The following PPP6R3 variants were observed in gnomAD, a reference collection of about 807,000 sequenced individuals.
PPP6R3 encodes protein phosphatase 6 regulatory subunit 3, also known as serine/threonine-protein phosphatase 6 regulatory subunit 3.
A neutral mutation model predicts 110.7 loss-of-function variants in PPP6R3; 38 were observed. That is an observed-to-expected ratio of 0.34 (90% CI 0.26 to 0.45). The LOEUF (loss-of-function observed/expected upper bound fraction) is 0.45. PPP6R3 is among the 20% of genes least tolerant of loss of function. PPP6R3 has a pLI of 1.00. For missense variants in PPP6R3, 870 were observed against 1,062.4 expected (o/e 0.82, Z 2.52); for synonymous variants, 369 against 373.5 (o/e 0.99, Z 0.14).
chr11:68,572,543 G>C (rs934860751), intron 12 of PPP6R3, among the ~76,000 whole-genome samples: 3 of 152,096 alleles, frequency 2.0e-5, no homozygotes, highest in Non-Finnish European at 4.4e-5. Flanking sequence ...AAGAGACTCT[G>C]AGCAACTCAG....
At chr11:68,565,989 G>GC (rs1035032582) in intron 9 of PPP6R3, among the ~76,000 whole-genome samples, 13 of 152,268 alleles carry the variant, frequency 8.5e-5, no homozygotes, top group African/African-American at 2.4e-4. Flanking sequence ...AGGGCAGCCT[G>GC]CCCTAGGCTG....
intron 22 of PPP6R3, among the ~76,000 whole-genome samples, chr11:68,604,861 A>G (rs1229166154): frequency 1.3e-5 from 2 of 152,224 alleles, no homozygotes; most frequent in Non-Finnish European, 2.9e-5. Context: ...CAATGTGAAG[A>G]TATTTTTAGC....
chr11:68,548,533 G>T (rs2099358178), intron 5 of PPP6R3, among the ~76,000 whole-genome samples: 1 of 152,136 alleles, frequency 6.6e-6, no homozygotes, highest in South Asian at 2.1e-4. Flanking sequence ...GATGGTAAAA[G>T]CAGAAATGAG....
chr11:68,598,816 A>C lies in PPP6R3; in HGVS notation c.2039-1525A>C, dbSNP rs111528412. ...AGCTTTGCATAGAGTGGGCAGGCAA[A>C]AATAACTGTCAAGTTGACTTTTTGG... On this transcript the variant is annotated intron_variant, in intron 19 of 23. Transcript: ENST00000393800. Among the ~76,000 whole-genome samples the C allele has an allele frequency of 8.5e-5, 13 of 152,336 alleles. 2 individuals are homozygous for C. Among genetic ancestry groups the C allele is most frequent in the African/African-American group, 3.1e-4 (13 of 41,570 alleles).
At chr11:68,476,367 G>T (rs895668516) in intron 1 of PPP6R3, among the ~76,000 whole-genome samples, 3 of 151,256 alleles carry the variant, frequency 2.0e-5, no homozygotes, top group African/African-American at 2.4e-5. Context: ...GCAGGCTGAG[G>T]CAGGAGAATC....
intron 18 of PPP6R3, among the ~76,000 whole-genome samples, chr11:68,592,173 C>T (rs546225161): frequency 1.1e-4 from 17 of 151,528 alleles, no homozygotes; most frequent in African/African-American, 2.9e-4. Flanking sequence ...TTAAATCATC[C>T]GTATCACAGG....
intron 1 of PPP6R3, among the ~76,000 whole-genome samples, chr11:68,515,580 CTGCACA>C (rs1312703233): frequency 6.6e-6 from 1 of 152,238 alleles, no homozygotes; most frequent in African/African-American, 2.4e-5. Flanking sequence ...TTAGAATCCA[CTGCACA>C]TGAGCATTCA....
At chr11:68,537,596 G>A in intron 2 of PPP6R3, 63 bp from the exon 3 acceptor site, 1 of 1,131,484 alleles carries the variant, frequency 8.8e-7, no homozygotes, top group Non-Finnish European at 1.3e-6. Flanking sequence ...ACTGAAATAT[G>A]AATTATGGAA....
rs763902681 is a variant in PPP6R3 at position 68,571,058 on chromosome 11, T to C, written c.1297T>C (p.Leu433=). 45 of 1,593,402 alleles carry C rather than the reference T, an allele frequency of 2.8e-5. No individual in the cohort carries two copies. Among genetic ancestry groups the C allele is most frequent in the Non-Finnish European group, 3.4e-5 (40 of 1,174,054 alleles). The part of the protein sequence containing the change: ...LLKHLFQKCQ[L]IERILEAWEM... Reference sequence around the variant, plus strand: ...TTTTCAGCTTTTCCAAAAATGTCAATTAATAGAACGAATACTTGAAGCCTG... The same window carrying C: ...TTTTCAGCTTTTCCAAAAATGTCAACTAATAGAACGAATACTTGAAGCCTG... The change falls in exon 12 of 24, where the codon TTA becomes CTA. Residue 433 remains leucine, a synonymous_variant. Coordinates refer to ENST00000393800, the MANE Select transcript of PPP6R3 (RefSeq NM_001164161.2).
chr11:68,494,102 C>CAAA (rs11369178), intron 1 of PPP6R3, among the ~76,000 whole-genome samples: 6 of 118,374 alleles, frequency 5.1e-5, no homozygotes, highest in South Asian at 2.7e-4. Context: ...GACTCCATCT[C>CAAA]AAAAAAAAAA....
chr11:68,520,462 A>G (rs1484370657), intron 2 of PPP6R3, among the ~76,000 whole-genome samples: 2 of 152,134 alleles, frequency 1.3e-5, no homozygotes, highest in African/African-American at 4.8e-5. Flanking sequence ...GAGAGATACT[A>G]TGGTGGTTTT....
At chr11:68,605,445 G>T (rs1301860946) in intron 22 of PPP6R3, among the ~76,000 whole-genome samples, 1 of 152,220 alleles carries the variant, frequency 6.6e-6, no homozygotes, top group Non-Finnish European at 1.5e-5. Flanking sequence ...AATGAGGAAA[G>T]AGTGGACTAG....
In PPP6R3 at chr11:68,487,957, G is replaced by A. The variant is rs1056210030; in HGVS notation, c.-158+27130G>A. Among the ~76,000 whole-genome samples the A allele has an allele frequency of 3.3e-5, 5 of 152,148 alleles. No individual in the cohort carries two copies. In the South Asian group the frequency reaches 1.0e-3, roughly 31 times the overall value. ...GGATTTCACCATTTCTGATGGAGGG[G>A]TGTTGAAGTTTCCAACTATAATAGT... On this transcript the variant is annotated intron_variant, in intron 1 of 23. Coordinates refer to ENST00000393800, the MANE Select transcript of PPP6R3 (RefSeq NM_001164161.2).
At chr11:68,603,882 C>T (rs1267393378) in intron 22 of PPP6R3, among the ~76,000 whole-genome samples, 2 of 152,156 alleles carry the variant, frequency 1.3e-5, no homozygotes, top group African/African-American at 2.4e-5. Flanking sequence ...ATGATTATCT[C>T]AGGACATAAT....
intron 2 of PPP6R3, among the ~76,000 whole-genome samples, chr11:68,536,167 T>A (rs1226620226): frequency 1.3e-5 from 2 of 152,112 alleles, no homozygotes; most frequent in Non-Finnish European, 2.9e-5. Context: ...TTGCTCTCTA[T>A]GATCTCTATT....
intron 3 of PPP6R3, among the ~76,000 whole-genome samples, chr11:68,543,835 C>T (rs917094633): frequency 1.3e-5 from 2 of 152,064 alleles, no homozygotes; most frequent in Non-Finnish European, 2.9e-5. Context: ...AAAACAGACA[C>T]GAGATTGTCA....
chr11:68,579,198 T>TG (rs1242570421), intron 14 of PPP6R3, among the ~76,000 whole-genome samples: 1 of 152,200 alleles, frequency 6.6e-6, no homozygotes, highest in Non-Finnish European at 1.5e-5. Context: ...ATGTTGATGC[T>TG]GGGGGTCCTC....
intron 1 of PPP6R3, among the ~76,000 whole-genome samples, chr11:68,501,162 A>G (rs1220111386): frequency 1.3e-5 from 2 of 152,208 alleles, no homozygotes; most frequent in Non-Finnish European, 2.9e-5. Context: ...GTTGTGATGA[A>G]CAATATGTTA....
chr11:68,595,467 C>T (rs1161268412), intron 18 of PPP6R3, among the ~76,000 whole-genome samples: 1 of 152,100 alleles, frequency 6.6e-6, no homozygotes, highest in African/African-American at 2.4e-5. Context: ...CTGCCCGCCT[C>T]AGCCTCCCAA....
Sources: allele counts gnomAD v4.1 joint callset (sites outside exome capture counted in the v4.1 genomes callset), GRCh38; gene constraint gnomAD v4.1.1; transcripts MANE v1.5; gene names NCBI Gene and HGNC (gene_info 2026-07-23, HGNC 2026-07-21).